Variants in PPP3CA observed in about 807,000 individuals in gnomAD.
The protein encoded by PPP3CA is CAM-PRP catalytic subunit.
A neutral mutation model predicts 66.5 loss-of-function variants in PPP3CA; 14 were observed. The ratio of observed to expected loss-of-function variants is 0.21; its 90% CI spans 0.14 to 0.33. The LOEUF is 0.33. Among genes scored for constraint, PPP3CA ranks in the 10% least tolerant of loss-of-function variants. The probability of loss-of-function intolerance (pLI) is 1.00; values close to 1 mark genes in which losing one functional copy is unlikely to be tolerated. For synonymous variants in PPP3CA, 232 were observed against 226.2 expected, an observed-to-expected ratio of 1.03 and a Z score of -0.23; for missense variants, 317 against 639.5, an observed-to-expected ratio of 0.50 and a Z score of 5.44.
At chr4:101,192,597 A>C (rs1560650488) in intron 2 of PPP3CA, among the ~76,000 whole-genome samples, 2 of 152,148 alleles carry the variant, frequency 1.3e-5, no homozygotes, top group Non-Finnish European at 1.5e-5. Flanking sequence ...ACTTTACAAA[A>C]AATACCAGTG....
intron 1 of PPP3CA, among the ~76,000 whole-genome samples, chr4:101,231,176 A>G (rs971233558): frequency 1.3e-5 from 2 of 151,738 alleles, no homozygotes; most frequent in South Asian, 2.1e-4. Context: ...AAATCTTACA[A>G]TGATGCACTG....
chr4:101,051,795 G>A (rs1168487697), intron 10 of PPP3CA, among the ~76,000 whole-genome samples: 2 of 152,094 alleles, frequency 1.3e-5, no homozygotes, highest in Admixed American at 6.6e-5. Flanking sequence ...AATAGCTAAT[G>A]TTTAGTATAA....
intron 1 of PPP3CA, among the ~76,000 whole-genome samples, chr4:101,322,937 T>C (rs1729087484): frequency 6.6e-6 from 1 of 152,186 alleles, no homozygotes; most frequent in South Asian, 2.1e-4. Flanking sequence ...ACTGTTGCTG[T>C]TTTTTGCTAC....
At chr4:101,040,374 C>T (rs917810329) in intron 11 of PPP3CA, 108 bp downstream of exon 11, 23 of 762,068 alleles carry the variant, frequency 3.0e-5, no homozygotes, top group Middle Eastern at 2.6e-4. Flanking sequence ...GAAAAAAAGA[C>T]AAATATTCTC....
At chr4:101,147,488 T>C (rs1302203588) in intron 2 of PPP3CA, among the ~76,000 whole-genome samples, 1 of 152,086 alleles carries the variant, frequency 6.6e-6, no homozygotes, top group African/African-American at 2.4e-5. Context: ...AGACACAGAG[T>C]TCCTATTACA....
intron 5 of PPP3CA, among the ~76,000 whole-genome samples, chr4:101,095,308 T>C (rs1176434698): frequency 1.3e-5 from 2 of 152,164 alleles, no homozygotes; most frequent in East Asian, 1.9e-4. Context: ...TTCTGATTAA[T>C]ATGAATCCCC....
chr4:101,266,620 A>G lies in PPP3CA; in HGVS notation c.59-70504T>C, dbSNP rs1727177979. Reference sequence around the variant, plus strand: ...AGGAAATATCAAGGTTGGGATAAACATGAAGAAATTTCTTTACATTGACAG... The same window carrying G: ...AGGAAATATCAAGGTTGGGATAAACGTGAAGAAATTTCTTTACATTGACAG... On this transcript the variant is annotated intron_variant, in intron 1 of 13. Transcript: ENST00000394854. 1.3e-5 allele frequency among the ~76,000 whole-genome samples: 2 copies of G among 152,194 alleles called. 1 individual carries two copies. The highest frequency in any genetic ancestry group is 6.3e-3 in the Middle Eastern group (2 of 316).
intron 11 of PPP3CA, among the ~76,000 whole-genome samples, chr4:101,033,293 A>AACACACACACAC (rs70961772): frequency 2.2e-5 from 3 of 139,268 alleles, no homozygotes; most frequent in Non-Finnish European, 3.2e-5. Context: ...CACACACACA[A>AACACACACACAC]ACACACACAC....
intron 2 of PPP3CA, among the ~76,000 whole-genome samples, chr4:101,124,045 C>T (rs1019462123): frequency 1.3e-5 from 2 of 152,102 alleles, no homozygotes; most frequent in Non-Finnish European, 2.9e-5. Flanking sequence ...TAGAACTATC[C>T]CCTTAATAAA....
At chr4:101,207,986 C>T (rs951913759) in intron 1 of PPP3CA, among the ~76,000 whole-genome samples, 6 of 152,102 alleles carry the variant, frequency 3.9e-5, no homozygotes, top group African/African-American at 1.4e-4. Context: ...TTTCACTATC[C>T]AGATTAAACA....
At chr4:101,258,405 C>G (rs1726910867) in intron 1 of PPP3CA, among the ~76,000 whole-genome samples, 1 of 152,052 alleles carries the variant, frequency 6.6e-6, no homozygotes, top group African/African-American at 2.4e-5. Flanking sequence ...GCTGCACTGT[C>G]CACACCTGAG....
chr4:101,253,481 G>C (rs922297370), intron 1 of PPP3CA, among the ~76,000 whole-genome samples: 2 of 151,912 alleles, frequency 1.3e-5, no homozygotes, highest in East Asian at 3.9e-4. Context: ...ACCTTCAAGG[G>C]TTACATTCTA....
At chr4:101,237,778 G>A (rs1726174695) in intron 1 of PPP3CA, among the ~76,000 whole-genome samples, 1 of 152,092 alleles carries the variant, frequency 6.6e-6, no homozygotes, top group South Asian at 2.1e-4. Context: ...GCACTGGCCA[G>A]ATCCCCTAGT....
intron 2 of PPP3CA, among the ~76,000 whole-genome samples, chr4:101,117,693 CAAGT>C (rs1393986768): frequency 1.3e-5 from 2 of 151,580 alleles, no homozygotes; most frequent in South Asian, 2.1e-4. Flanking sequence ...TATATAATTA[CAAGT>C]AAGTATGTAT....
intron 1 of PPP3CA, among the ~76,000 whole-genome samples, chr4:101,230,715 G>A (rs1167302113): frequency 2.0e-5 from 3 of 151,556 alleles, no homozygotes; most frequent in African/African-American, 7.3e-5. Flanking sequence ...CCTTCTGCCT[G>A]CATAGGTAAA....
intron 1 of PPP3CA, among the ~76,000 whole-genome samples, chr4:101,329,410 C>T (rs758898633): frequency 6.6e-6 from 1 of 152,098 alleles, no homozygotes; most frequent in African/African-American, 2.4e-5. Flanking sequence ...AGGCAAAAAG[C>T]CATCTCCACA....
intron 1 of PPP3CA, among the ~76,000 whole-genome samples, chr4:101,206,663 G>A (rs1054117987): frequency 1.3e-5 from 2 of 152,176 alleles, no homozygotes; most frequent in African/African-American, 4.8e-5. Flanking sequence ...TAACAATCAA[G>A]TCCCATTGAG....
chr4:101,210,911 T>C lies in PPP3CA; in HGVS notation c.59-14795A>G, dbSNP rs182401760. 6.6e-5 allele frequency among the ~76,000 whole-genome samples: 10 copies of C among 152,252 alleles called. No homozygotes were observed. The East Asian group carries it at 1.7e-3, about 26-fold the overall frequency. On this transcript the variant is annotated intron_variant, in intron 1 of 13. Transcript: ENST00000394854. ...CAATTTCATGTTCTAATTTTCTAGT[T>C]GAAGAAACAGGCTCAAAGAGAGTAA... is the stretch of plus-strand genomic sequence containing the variant.
chr4:101,249,029 G>A (rs368251845), intron 1 of PPP3CA, among the ~76,000 whole-genome samples: 11 of 151,410 alleles, frequency 7.3e-5, no homozygotes, highest in South Asian at 4.2e-4. Context: ...GCGCGGTGGC[G>A]GGCGCCTGTA....
Sources: gnomAD v4.1 joint callset for allele counts (sites outside exome capture counted in the v4.1 genomes callset) on GRCh38, gnomAD v4.1.1 for gene constraint, MANE v1.5 for transcripts, NCBI Gene and HGNC (gene_info 2026-07-23, HGNC 2026-07-21) for gene names.